Variants in TNFSF4 observed in about 807,000 individuals in gnomAD.
The protein encoded by TNFSF4 is tumor necrosis factor ligand superfamily member 4.
TNFSF4 carries 4 observed loss-of-function variants against 7.3 expected under a neutral mutation model. The observed-to-expected ratio is 0.55, with a 90% CI of 0.27 to 1.25. The LOEUF (loss-of-function observed/expected upper bound fraction) is 1.25, where lower values mean the gene tolerates loss of function less well. Ranked by LOEUF, TNFSF4 falls within the 50% of genes most tolerant of loss-of-function variation. TNFSF4 has a pLI of 0.12. For missense variants in TNFSF4, 181 were observed against 208.8 expected, an observed-to-expected ratio of 0.87 and a Z score of 0.82; for synonymous variants, 76 against 83.7, an observed-to-expected ratio of 0.91 and a Z score of 0.50.
At chr1:173,313,770 T>C in the TNFSF4 span, among the ~76,000 whole-genome samples, 1 of 152,108 alleles carries the variant, frequency 6.6e-6, no homozygotes, top group Non-Finnish European at 1.5e-5. Flanking sequence ...CACACACTTT[T>C]ATAAAATGGC....
the TNFSF4 span, among the ~76,000 whole-genome samples, chr1:173,280,200 C>G: frequency 6.6e-6 from 1 of 152,088 alleles, no homozygotes; most frequent in East Asian, 1.9e-4. Context: ...CCACTGTCTC[C>G]CATGTCTACT....
the TNFSF4 span, chr1:173,363,252 C>T: frequency 3.3e-6 from 1 of 302,516 alleles, no homozygotes; most frequent in Non-Finnish European, 6.7e-6. Context: ...AAACCTGTTT[C>T]TCTAAGACAG....
At chr1:173,377,475 G>A in the TNFSF4 span, among the ~76,000 whole-genome samples, 35 of 152,264 alleles carry the variant, frequency 2.3e-4, no homozygotes, top group African/African-American at 5.1e-4. Context: ...ATGACCCTGC[G>A]GCCATGAGTG....
At chr1:173,317,250 G>A in the TNFSF4 span, among the ~76,000 whole-genome samples, 1 of 152,174 alleles carries the variant, frequency 6.6e-6, no homozygotes, top group African/African-American at 2.4e-5. Flanking sequence ...TCCACCAGCT[G>A]AATACCACCA....
At chr1:173,240,002 G>A in the TNFSF4 span, among the ~76,000 whole-genome samples, 1 of 152,070 alleles carries the variant, frequency 6.6e-6, no homozygotes. Context: ...CTGTACTCCA[G>A]CCTGGGTGAC....
At chr1:173,292,985 T>C in the TNFSF4 span, among the ~76,000 whole-genome samples, 3 of 152,006 alleles carry the variant, frequency 2.0e-5, no homozygotes, top group Non-Finnish European at 4.4e-5. Context: ...CTGAAAGAAA[T>C]CTGAGGTGAC....
the TNFSF4 span, among the ~76,000 whole-genome samples, chr1:173,260,711 T>A: frequency 1.3e-5 from 2 of 152,060 alleles, no homozygotes; most frequent in African/African-American, 4.8e-5. Context: ...AAAACAGACT[T>A]TAAACCAACT....
At chr1:173,263,972 C>A in the TNFSF4 span, among the ~76,000 whole-genome samples, 1 of 152,058 alleles carries the variant, frequency 6.6e-6, no homozygotes, top group South Asian at 2.1e-4. Context: ...ACATTGGGGC[C>A]TATTTGAGGG....
At chr1:173,193,340 C>T (rs1276963112) in intron 1 of TNFSF4, among the ~76,000 whole-genome samples, 2 of 152,100 alleles carry the variant, frequency 1.3e-5, no homozygotes, top group African/African-American at 2.4e-5. Flanking sequence ...GAGTCCACAC[C>T]ATACTCAAGG....
chr1:173,377,740 C>T, the TNFSF4 span, among the ~76,000 whole-genome samples: 2 of 152,148 alleles, frequency 1.3e-5, no homozygotes, highest in Non-Finnish European at 2.9e-5. Flanking sequence ...CAATTTTTGC[C>T]CAAAGCCCTG....
upstream of TNFSF4, among the ~76,000 whole-genome samples, chr1:173,208,574 G>T (rs1272535554): frequency 6.6e-6 from 1 of 152,160 alleles, no homozygotes; most frequent in East Asian, 1.9e-4. Context: ...GAACATACTG[G>T]TGTTGAGAAA....
the TNFSF4 span, among the ~76,000 whole-genome samples, chr1:173,403,334 C>A: frequency 4.6e-5 from 7 of 152,168 alleles, no homozygotes; most frequent in African/African-American, 1.4e-4. Flanking sequence ...TACTGCTAGC[C>A]AGCAGAGACC....
the TNFSF4 span, among the ~76,000 whole-genome samples, chr1:173,285,753 T>TTA: frequency 6.6e-6 from 1 of 152,286 alleles, no homozygotes; most frequent in East Asian, 1.9e-4. Context: ...GCTGTGTACA[T>TTA]TATTTTTAGA....
the TNFSF4 span, among the ~76,000 whole-genome samples, chr1:173,293,211 A>G: frequency 2.0e-5 from 3 of 152,132 alleles, no homozygotes; most frequent in Non-Finnish European, 4.4e-5. Flanking sequence ...CCAACTTCAA[A>G]CTATACTATA....
Position 173,186,610 on chromosome 1 carries a change from A to G in TNFSF4, c.458T>C (p.Val153Ala), listed in dbSNP as rs1649236791. Residue 153 changes from valine to alanine, a missense_variant, in exon 3 of 3, where the codon GTG (valine) becomes GCG (alanine). Transcript: ENST00000281834. ...ATCCAGGGAGGTATTGTCAGTGGTC[A>G]CATTCAAGTAGACTTTGTCTTTGTA... ...LTYKDKVYLN[V>A]TTDNTSLDDF... 6.2e-7 allele frequency: 1 copy of G among 1,614,094 alleles called. No individual in the cohort carries two copies. The highest frequency in any genetic ancestry group is 1.7e-5 in the Admixed American group (1 of 59,998).
upstream of TNFSF4, among the ~76,000 whole-genome samples, chr1:173,209,466 A>T (rs544797552): frequency 2.6e-5 from 4 of 152,186 alleles, no homozygotes; most frequent in African/African-American, 9.7e-5. Context: ...AAAGGGGTCA[A>T]ATACGTTACT....
chr1:173,174,204 A>G, the TNFSF4 span: 1 of 152,166 alleles, frequency 6.6e-6, no homozygotes, highest in Non-Finnish European at 1.5e-5. Flanking sequence ...CCTCATCTCC[A>G]TCTGAGACCA....
intron 1 of TNFSF4, among the ~76,000 whole-genome samples, chr1:173,201,291 A>G (rs1251357305): frequency 6.6e-6 from 1 of 152,170 alleles, no homozygotes; most frequent in African/African-American, 2.4e-5. Flanking sequence ...TTAGAAATCT[A>G]TGTTTAAAAA....
At chr1:173,442,551 G>GTTT in the TNFSF4 span, among the ~76,000 whole-genome samples, 664 of 119,312 alleles carry the variant, frequency 5.6e-3, 7 homozygotes, top group African/African-American at 0.023. Flanking sequence ...TTTTGTTTTT[G>GTTT]TTTTTTTTTT....
Sources: gnomAD v4.1 joint callset for allele counts (sites outside exome capture counted in the v4.1 genomes callset) on GRCh38, gnomAD v4.1.1 for gene constraint, MANE v1.5 for transcripts, NCBI Gene and HGNC (gene_info 2026-07-23, HGNC 2026-07-21) for gene names.